Variants in TMCO5A observed in about 807,000 individuals in gnomAD.
TMCO5A encodes transmembrane and coiled-coil domain-containing protein 5A.
A neutral mutation model predicts 42.3 loss-of-function variants in TMCO5A; 34 were observed. The observed-to-expected ratio is 0.80, with a 90% confidence interval of 0.61 to 1.07. The LOEUF (loss-of-function observed/expected upper bound fraction) is 1.07, where lower values mean the gene tolerates loss of function less well. TMCO5A is among the 50% of genes least tolerant of loss of function. The pLI, the probability that TMCO5A is intolerant of heterozygous loss-of-function variation, is 0.00. For missense variants in TMCO5A, 357 were observed against 327.9 expected, an observed-to-expected ratio of 1.09 and a Z score of -0.69; for synonymous variants, 131 against 115.6, an observed-to-expected ratio of 1.13 and a Z score of -0.86.
the TMCO5A span, among the ~76,000 whole-genome samples, chr15:37,992,311 A>G: frequency 6.6e-6 from 1 of 152,122 alleles, no homozygotes; most frequent in East Asian, 1.9e-4. Flanking sequence ...ACCATCTCAC[A>G]CCAGTCAGAA....
intron 6 of TMCO5A, among the ~76,000 whole-genome samples, chr15:37,939,439 G>T (rs1595587238): frequency 6.6e-6 from 1 of 152,150 alleles, no homozygotes. Context: ...ACCCCTGACT[G>T]AACCTGCCAT....
intron 6 of TMCO5A, 109 bp downstream of exon 6, chr15:37,938,338 C>A: frequency 1.1e-6 from 1 of 911,824 alleles, no homozygotes; most frequent in Non-Finnish European, 1.6e-6. Context: ...TAGTTTTCCT[C>A]CATGTCAAGC....
In TMCO5A at chr15:37,941,726, T is replaced by C; in HGVS notation, c.500T>C (p.Ile167Thr). 1 of 1,610,702 alleles carries C rather than the reference T, an allele frequency of 6.2e-7. No individual in the cohort carries two copies. The highest frequency in any genetic ancestry group is 8.5e-7 in the Non-Finnish European group (1 of 1,177,406). The change falls in exon 8 of 12, where the codon ATA becomes ACA. Residue 167 changes from isoleucine (I) to threonine (T), a missense_variant. Ile to Thr is a moderately conservative substitution (Grantham distance 89). Transcript: ENST00000319669. ...TQLCEDQALYIKKYQETLKKI... is the reference protein window; with the variant it reads ...TQLCEDQALYTKKYQETLKKI... ...CTCTGTGAAGATCAAGCCCTCTACA[T>C]AAAGGTAGAGCTTCTTGGTAAAGGG... is the stretch of plus-strand genomic sequence containing the variant.
intron 5 of TMCO5A, 37 bp from the exon 6 acceptor site, chr15:37,938,121 C>G (rs753703057): frequency 2.0e-6 from 3 of 1,521,200 alleles, no homozygotes; most frequent in African/African-American, 1.4e-5. Flanking sequence ...GCCTTCTACA[C>G]CTTTTAATTT....
chr15:37,953,657 G>A (rs1421268071), downstream of TMCO5A, among the ~76,000 whole-genome samples: 1 of 151,958 alleles, frequency 6.6e-6, no homozygotes, highest in Non-Finnish European at 1.5e-5. Context: ...CAATGCCCCA[G>A]CACCAAACAT....
chr15:38,034,069 C>T, the TMCO5A span, among the ~76,000 whole-genome samples: 15 of 152,096 alleles, frequency 9.9e-5, no homozygotes, highest in Admixed American at 6.5e-4. Context: ...GTGGAAGTTG[C>T]GTTCTGTTTC....
At chr15:37,966,845 T>C (rs770483132) in exon 12 of TMCO5A, 1 of 610,444 alleles carries the variant, frequency 1.6e-6, no homozygotes, top group East Asian at 2.7e-5. Context: ...TTATGTCATA[T>C]GTTCAGCCCC....
At chr15:37,936,111 A>C in intron 2 of TMCO5A, 1 of 464,704 alleles carries the variant, frequency 2.2e-6, no homozygotes, top group South Asian at 4.8e-5. Context: ...AAGCCTGGGA[A>C]AGACCCTTGC....
At position 37,943,403 on chromosome 15, in the gene TMCO5A, AC is replaced by A. The variant is rs1889824216; in HGVS notation, c.627+6del. Reference sequence around the variant, plus strand: ...CATACCAGCCAAAATAATGAGGTAAACACTCCATTCTCTCTTCAGCTCCTCA... The same window carrying A: ...CATACCAGCCAAAATAATGAGGTAAAACTCCATTCTCTCTTCAGCTCCTCA... On this transcript the variant is annotated splice_donor_region_variant and intron_variant, in intron 10 of 11. Transcript: ENST00000319669. The A allele has an allele frequency of 1.9e-6, 3 of 1,612,108 alleles. No homozygotes were observed. The East Asian group carries it at 6.7e-5, about 36-fold the overall frequency.
chr15:38,011,816 T>C, the TMCO5A span, among the ~76,000 whole-genome samples: 1 of 152,166 alleles, frequency 6.6e-6, no homozygotes, highest in South Asian at 2.1e-4. Flanking sequence ...ATGTCTGTTA[T>C]GTAGTTGCCT....
chr15:37,991,411 T>C, the TMCO5A span, among the ~76,000 whole-genome samples: 1 of 152,128 alleles, frequency 6.6e-6, no homozygotes, highest in Admixed American at 6.5e-5. Context: ...CACAGTTTGA[T>C]TATAATGTGT....
chr15:37,974,599 T>C, the TMCO5A span, among the ~76,000 whole-genome samples: 4 of 152,136 alleles, frequency 2.6e-5, no homozygotes, highest in Admixed American at 1.3e-4. Flanking sequence ...TTGGTGGTAA[T>C]GTCCTCTTTA....
intron 10 of TMCO5A, chr15:37,943,608 A>C: frequency 1.9e-6 from 1 of 529,052 alleles, no homozygotes; most frequent in South Asian, 2.6e-5. Flanking sequence ...AGCCATACAA[A>C]TAACAGGCTC....
downstream of TMCO5A, among the ~76,000 whole-genome samples, chr15:37,954,582 C>T (rs1890237735): frequency 6.6e-6 from 1 of 152,000 alleles, no homozygotes; most frequent in African/African-American, 2.4e-5. Flanking sequence ...AAGAAAAGGA[C>T]ATTAATGAGC....
chr15:37,955,663 A>G (rs2140803897), downstream of TMCO5A, among the ~76,000 whole-genome samples: 1 of 152,286 alleles, frequency 6.6e-6, no homozygotes, highest in South Asian at 2.1e-4. Context: ...TTAACATCCC[A>G]CTGTCAATAT....
At chr15:37,954,184 G>T (rs1197193809), downstream of TMCO5A, among the ~76,000 whole-genome samples, 1 of 151,990 alleles carries the variant, frequency 6.6e-6, no homozygotes, top group Non-Finnish European at 1.5e-5. Context: ...CAAACTTAGA[G>T]AAAAATATCA....
At chr15:37,990,198 GT>G in the TMCO5A span, among the ~76,000 whole-genome samples, 1 of 151,962 alleles carries the variant, frequency 6.6e-6, no homozygotes, top group Non-Finnish European at 1.5e-5. Flanking sequence ...CTGTCTGGTT[GT>G]TCTATCCATT....
At chr15:38,007,907 TTTTTG>T in the TMCO5A span, among the ~76,000 whole-genome samples, 1 of 96,240 alleles carries the variant, frequency 1.0e-5, no homozygotes, top group South Asian at 4.1e-4. Flanking sequence ...TTTTTTTTTT[TTTTTG>T]TGAGACAGAG....
At chr15:37,966,827 G>T in exon 12 of TMCO5A, 1 of 634,334 alleles carries the variant, frequency 1.6e-6, no homozygotes, top group Non-Finnish European at 2.8e-6. Context: ...TACTCTGATT[G>T]GTCAAGCTTA....
Sources: allele counts gnomAD v4.1 joint callset (sites outside exome capture counted in the v4.1 genomes callset), GRCh38; gene constraint gnomAD v4.1.1; transcripts MANE v1.5; gene names NCBI Gene and HGNC (gene_info 2026-07-23, HGNC 2026-07-21).